PPP1R13B: variants seen among roughly 807,000 people sequenced by gnomAD.
PPP1R13B encodes the protein protein phosphatase 1 regulatory subunit 13B, also known as apoptosis-stimulating of p53 protein 1.
In PPP1R13B, 44 loss-of-function variants were observed where a neutral mutation model predicts 119.8. The ratio of observed to expected loss-of-function variants is 0.37; its 90% confidence interval spans 0.29 to 0.47. The LOEUF (loss-of-function observed/expected upper bound fraction) is 0.47, where lower values mean the gene tolerates loss of function less well. Among genes scored for constraint, PPP1R13B ranks in the 20% least tolerant of loss-of-function variants. The pLI, the probability that PPP1R13B is intolerant of heterozygous loss-of-function variation, is 0.99. For synonymous variants in PPP1R13B, 542 were observed against 561.5 expected (o/e 0.97, Z 0.49); for missense variants, 1,227 against 1,413.5 (o/e 0.87, Z 2.12).
chr14:103,763,445 T>C (rs2084859667), intron 4 of PPP1R13B, among the ~76,000 whole-genome samples: 1 of 152,106 alleles, frequency 6.6e-6, no homozygotes, highest in African/African-American at 2.4e-5. Flanking sequence ...TGTACTTTTA[T>C]CTTTAATTAT....
At position 103,737,857 on chromosome 14, in the gene PPP1R13B, C is replaced by T. The variant is rs778569370; in HGVS notation, c.2868G>A (p.Thr956=). ...NVNAADSDGW[T]PLHCAASCNS... ...TACAAGAGGCAGCGCAGTGCAGCGG[C>T]GTCCTGGAATAGAGCGTGGGTGAAG... Residue 956 remains threonine, a synonymous_variant, in exon 15 of 17, where the codon ACG becomes ACA. Transcript: ENST00000202556. 25 of 1,613,138 alleles carry T rather than the reference C, an allele frequency of 1.5e-5. No individual in the cohort carries two copies. The highest frequency in any genetic ancestry group is 2.2e-5 in the East Asian group (1 of 44,890).
At chr14:103,811,906 C>A (rs1249968207) in intron 1 of PPP1R13B, among the ~76,000 whole-genome samples, 2 of 149,350 alleles carry the variant, frequency 1.3e-5, no homozygotes, top group Admixed American at 6.7e-5. Context: ...AATACAAAAA[C>A]AGCATTAGCC....
intron 2 of PPP1R13B, among the ~76,000 whole-genome samples, chr14:103,786,880 G>C (rs756546646): frequency 1.4e-5 from 2 of 147,948 alleles, no homozygotes; most frequent in Admixed American, 6.8e-5. Context: ...GCTAATTTTT[G>C]TATTTTTAGT....
At chr14:103,768,273 G>A (rs919304700) in intron 4 of PPP1R13B, among the ~76,000 whole-genome samples, 3 of 149,886 alleles carry the variant, frequency 2.0e-5, no homozygotes, top group Non-Finnish European at 3.0e-5. Flanking sequence ...CCATCACCAC[G>A]CCCAGCTAAT....
rs74338102 is a variant in PPP1R13B at position 103,823,219 on chromosome 14, G to T, written c.9+24080C>A. On this transcript the variant is annotated intron_variant, in intron 1 of 16. Coordinates refer to ENST00000202556, the MANE Select transcript of PPP1R13B (RefSeq NM_015316.3). ...TGGGCGTGGTGGCGGGTGCCTGTAG[G>T]TCCCAGCTACTTGGGAGGCTGAGGC... is the stretch of plus-strand genomic sequence containing the variant. 1.3e-3 allele frequency among the ~76,000 whole-genome samples: 200 copies of T among 151,466 alleles called. 8 individuals carry two copies. The East Asian group carries it at 0.032, about 24-fold the overall frequency.
At chr14:103,762,306 T>C (rs1381161090) in intron 4 of PPP1R13B, among the ~76,000 whole-genome samples, 2 of 152,190 alleles carry the variant, frequency 1.3e-5, no homozygotes, top group African/African-American at 2.4e-5. Context: ...AAAAGACTAG[T>C]GGATTTTGTC....
intron 1 of PPP1R13B, among the ~76,000 whole-genome samples, chr14:103,830,744 T>G (rs1218387235): frequency 6.6e-6 from 1 of 152,192 alleles, no homozygotes; most frequent in African/African-American, 2.4e-5. Flanking sequence ...CCCTTCCATC[T>G]CAGGCAAAAT....
chr14:103,784,576 C>CT (rs1404343184), intron 3 of PPP1R13B, among the ~76,000 whole-genome samples: 1 of 101,806 alleles, frequency 9.8e-6, no homozygotes, highest in Non-Finnish European at 1.8e-5. Flanking sequence ...GAGTGAGACT[C>CT]TGTCTCCAAA....
At position 103,754,588 on chromosome 14, in the gene PPP1R13B, T is replaced by C. The variant is rs74415844; in HGVS notation, c.457-344A>G. On this transcript the variant is annotated intron_variant, in intron 5 of 16. Coordinates refer to ENST00000202556, the MANE Select transcript of PPP1R13B (RefSeq NM_015316.3). Reference sequence around the variant, plus strand: ...AAAAAAAAAAAAAAAAAAAAAAAATTGAAACTTATGATTACTTTTATATAC... The same window carrying C: ...AAAAAAAAAAAAAAAAAAAAAAAATCGAAACTTATGATTACTTTTATATAC... Among the ~76,000 whole-genome samples, 668 of 142,666 alleles carry C rather than the reference T, an allele frequency of 4.7e-3. 8 individuals are homozygous for C. Among genetic ancestry groups the C allele is most frequent in the African/African-American group, 0.017 (639 of 37,406 alleles). The allele number at this position is 142,666 out of a possible 152,430, so 93.6% of individuals were successfully genotyped here. A position where few individuals can be genotyped will look rare whatever the true frequency, so the allele number is the denominator to read the frequency against.
In PPP1R13B at chr14:103,734,569, C is replaced by T; in HGVS notation, c.*585G>A. On this transcript the variant is annotated 3_prime_UTR_variant, in exon 17 of 17. Coordinates refer to ENST00000202556, the MANE Select transcript of PPP1R13B (RefSeq NM_015316.3). Reference sequence around the variant, plus strand: ...CAATCAGCCTTTAGGTGAACTGGAACAGGAAGCGGAACCCCCAAGGCGGCC... The same window carrying T: ...CAATCAGCCTTTAGGTGAACTGGAATAGGAAGCGGAACCCCCAAGGCGGCC... The T allele has an allele frequency of 2.2e-6, 1 of 456,494 alleles. No homozygotes were observed. Among genetic ancestry groups the T allele is most frequent in the Non-Finnish European group, 4.4e-6 (1 of 226,810 alleles). The allele number at this position is 456,494 out of a possible 1,614,324, so 28.3% of individuals were successfully genotyped here.
At chr14:103,773,947 C>T (rs1203983092) in intron 4 of PPP1R13B, among the ~76,000 whole-genome samples, 2 of 152,084 alleles carry the variant, frequency 1.3e-5, no homozygotes, top group African/African-American at 4.8e-5. Flanking sequence ...GAAAACGGTG[C>T]CTGGGTGATT....
In PPP1R13B at chr14:103,847,540, ACCTCAGCCTCAG is replaced by A. The variant is rs1001254062; in HGVS notation, c.-245_-234del. 2 of 984,456 alleles carry A rather than the reference ACCTCAGCCTCAG, an allele frequency of 2.0e-6. No homozygotes were observed. The highest frequency in any genetic ancestry group is 1.8e-5 in the African/African-American group (1 of 56,090). The allele number at this position is 984,456 out of a possible 1,614,324, so 61.0% of individuals were successfully genotyped here. On this transcript the variant is annotated 5_prime_UTR_variant, in exon 1 of 17. Coordinates refer to ENST00000202556, the MANE Select transcript of PPP1R13B (RefSeq NM_015316.3). ...CCCGGCCGCCGCCGCCGCCGCCTCAACCTCAGCCTCAGCCTCAGCCCCAGCCCGACAGCCTGC... is the reference window on the plus strand; with the variant it reads ...CCCGGCCGCCGCCGCCGCCGCCTCAACCTCAGCCCCAGCCCGACAGCCTGC...
intron 15 of PPP1R13B, chr14:103,736,721 C>T (rs563508176): frequency 6.4e-6 from 1 of 155,776 alleles, no homozygotes; most frequent in Non-Finnish European, 1.4e-5. Flanking sequence ...GCAGCCTCCT[C>T]CTCACACTGG....
chr14:103,761,347 T>C (rs1174028007), intron 4 of PPP1R13B, among the ~76,000 whole-genome samples: 1 of 151,632 alleles, frequency 6.6e-6, no homozygotes, highest in Admixed American at 6.6e-5. Context: ...ATTTTACCTA[T>C]GAACAGAGGA....
At chr14:103,812,951 T>G (rs538760241) in intron 1 of PPP1R13B, among the ~76,000 whole-genome samples, 1 of 152,118 alleles carries the variant, frequency 6.6e-6, no homozygotes, top group Admixed American at 6.5e-5. Flanking sequence ...GAACTTGCAG[T>G]TGGGAATACA....
intron 1 of PPP1R13B, among the ~76,000 whole-genome samples, chr14:103,814,873 A>G (rs2086241879): frequency 6.6e-6 from 1 of 152,084 alleles, no homozygotes; most frequent in Non-Finnish European, 1.5e-5. Flanking sequence ...TGAACCCGGG[A>G]GGTGGAGCTT....
chr14:103,756,651 T>C (rs550050565), intron 5 of PPP1R13B, among the ~76,000 whole-genome samples: 31 of 152,334 alleles, frequency 2.0e-4, no homozygotes, highest in Admixed American at 4.6e-4. Context: ...ATCAGTGTTT[T>C]CATCACGGAT....
intron 3 of PPP1R13B, among the ~76,000 whole-genome samples, chr14:103,783,214 T>A (rs1567119997): frequency 1.3e-5 from 1 of 76,226 alleles, no homozygotes; most frequent in African/African-American, 3.8e-5. Context: ...ATCTTTTGAC[T>A]TTTTTTTTAG....
At chr14:103,766,386 C>T (rs750010638) in intron 4 of PPP1R13B, among the ~76,000 whole-genome samples, 6 of 152,138 alleles carry the variant, frequency 3.9e-5, no homozygotes, top group African/African-American at 1.2e-4. Flanking sequence ...GGCTTTCCCA[C>T]GCTTAAGTGT....
Sources: allele counts gnomAD v4.1 joint callset (sites outside exome capture counted in the v4.1 genomes callset), GRCh38; gene constraint gnomAD v4.1.1; transcripts MANE v1.5; gene names NCBI Gene and HGNC (gene_info 2026-07-23, HGNC 2026-07-21).